The following SEL1L variants were observed in gnomAD, a reference collection of about 807,000 sequenced individuals.
SEL1L encodes SEL1L adaptor subunit of SYVN1 ubiquitin ligase.
SEL1L carries 52 observed loss-of-function variants against 109.8 expected under a neutral mutation model. The observed-to-expected ratio is 0.47, with a 90% CI of 0.38 to 0.60. The LOEUF (loss-of-function observed/expected upper bound fraction) is 0.60. SEL1L is among the 20% of genes least tolerant of loss of function. The probability of loss-of-function intolerance (pLI) is 0.00; values close to 1 mark genes in which losing one functional copy is unlikely to be tolerated. For synonymous variants in SEL1L, 373 were observed against 339.6 expected, an observed-to-expected ratio of 1.10 and a Z score of -1.08; for missense variants, 749 against 962.2, an observed-to-expected ratio of 0.78 and a Z score of 2.93.
intron 15 of SEL1L, 72 bp from the exon 16 acceptor site, chr14:81,487,610 A>G (rs902095765): frequency 6.5e-7 from 1 of 1,549,320 alleles, no homozygotes; most frequent in South Asian, 1.2e-5. Context: ...AGGCTTATAT[A>G]TGAAGAATAA....
rs189470692 is a variant in SEL1L, at chr14:81,479,943, A to C, written c.2047-203T>G. 2.0e-5 allele frequency among the ~76,000 whole-genome samples: 3 copies of C among 152,310 alleles called. No homozygotes were observed. In the East Asian group the frequency reaches 5.8e-4, roughly 29 times the overall value. Reference sequence around the variant, plus strand: ...TTAATATTGAAAAACTTAATTAAAAAACTCATTTTCCCCCAACATAACATC... The same window carrying C: ...TTAATATTGAAAAACTTAATTAAAACACTCATTTTCCCCCAACATAACATC... On this transcript the variant is annotated intron_variant, in intron 19 of 20. Coordinates refer to ENST00000336735, the MANE Select transcript of SEL1L (RefSeq NM_005065.6).
intron 5 of SEL1L, 141 bp downstream of exon 5, chr14:81,504,060 A>G (rs937831145): frequency 1.6e-5 from 8 of 506,416 alleles, no homozygotes; most frequent in African/African-American, 4.0e-5. Flanking sequence ...TAATGCCCGT[A>G]AGTTATATTA....
intron 2 of SEL1L, among the ~76,000 whole-genome samples, chr14:81,527,411 A>T (rs1347504492): frequency 6.7e-6 from 1 of 150,144 alleles, no homozygotes; most frequent in Non-Finnish European, 1.5e-5. Context: ...AAGTGGAAAC[A>T]AATGACACAG....
intron 3 of SEL1L, among the ~76,000 whole-genome samples, chr14:81,520,521 G>A (rs17640910): frequency 6.6e-6 from 1 of 152,180 alleles, no homozygotes; most frequent in Non-Finnish European, 1.5e-5. Context: ...CAGCACCAGT[G>A]AAAGGAGATA....
chr14:81,508,940 TGAC>T (rs1188273761), intron 3 of SEL1L, among the ~76,000 whole-genome samples: 1 of 152,174 alleles, frequency 6.6e-6, no homozygotes, highest in Non-Finnish European at 1.5e-5. Context: ...AAAAAAAATT[TGAC>T]AACAAAAGGT....
chr14:81,497,014 C>T (rs1473269490), intron 10 of SEL1L, among the ~76,000 whole-genome samples: 49 of 151,950 alleles, frequency 3.2e-4, no homozygotes, highest in Admixed American at 3.2e-3. Context: ...GGAAAAAGCA[C>T]TCAACCAAAA....
At position 81,485,492 on chromosome 14, in the gene SEL1L, G is replaced by T. The variant is rs1289996816; in HGVS notation, c.1873+180C>A. Among the ~76,000 whole-genome samples the T allele has an allele frequency of 4.0e-5, 6 of 151,228 alleles. No individual in the cohort carries two copies. In the East Asian group the frequency reaches 1.2e-3, roughly 29 times the overall value. On this transcript the variant is annotated intron_variant, in intron 18 of 20. Coordinates refer to ENST00000336735, the MANE Select transcript of SEL1L (RefSeq NM_005065.6). ...GTAGAGACAGGGTTTTACTATGCTG[G>T]CCAGGCTGGTTTCGGTTTCGAACTC...
intron 6 of SEL1L, among the ~76,000 whole-genome samples, chr14:81,502,504 T>C (rs532972443): frequency 1.3e-5 from 2 of 152,326 alleles, no homozygotes; most frequent in South Asian, 4.1e-4. Context: ...AATGTAATTG[T>C]AGCAAGGCAC....
In SEL1L at chr14:81,489,119, C is replaced by T; in HGVS notation, c.1395+133G>A. ...GGGGTGGTAGTGAGACAAACTCAGA[C>T]AACAGAAAGAGGTTCAGCTTTGCTT... On this transcript the variant is annotated intron_variant, in intron 14 of 20. Transcript: ENST00000336735. 3.9e-6 allele frequency: 3 copies of T among 769,350 alleles called. No homozygotes were observed. The East Asian group carries it at 7.5e-5, about 19-fold the overall frequency. The allele number at this position is 769,350 out of a possible 1,614,324, so 47.7% of individuals were successfully genotyped here. A position where few individuals can be genotyped will look rare whatever the true frequency, so the allele number is the denominator to read the frequency against.
rs1275991248 is a variant in SEL1L, at chr14:81,499,631, C to T, written c.809G>A (p.Gly270Asp). 6.2e-7 allele frequency: 1 copy of T among 1,610,372 alleles called. No individual in the cohort carries two copies. The highest frequency in any genetic ancestry group is 1.7e-5 in the Admixed American group (1 of 59,308). ...TACCTTTGCCTGACTTGAATTAACACCAAGTCCAGAGGCATACAGAAAGCC... is the reference window on the plus strand; with the variant it reads ...TACCTTTGCCTGACTTGAATTAACATCAAGTCCAGAGGCATACAGAAAGCC... The part of the protein sequence containing the change: ...ALGFLYASGL[G>D]VNSSQAKALV... Residue 270 changes from glycine (G) to aspartate (D), a missense_variant, in exon 7 of 21, where the codon GGT becomes GAT. Around this residue, in one of 2 missense-constraint regions of SEL1L, gnomAD observed 366 missense variants for 399.8 expected, o/e 0.92. Coordinates refer to ENST00000336735, the MANE Select transcript of SEL1L (RefSeq NM_005065.6).
At chr14:81,483,680 T>G (rs1903429088) in intron 19 of SEL1L, among the ~76,000 whole-genome samples, 1 of 152,208 alleles carries the variant, frequency 6.6e-6, no homozygotes, top group Non-Finnish European at 1.5e-5. Context: ...TTTAAAAATG[T>G]TAATGCTTAA....
At chr14:81,522,044 C>T (rs751578274) in intron 3 of SEL1L, among the ~76,000 whole-genome samples, 1 of 151,946 alleles carries the variant, frequency 6.6e-6, no homozygotes, top group Non-Finnish European at 1.5e-5. Context: ...AAATAGAAAA[C>T]AGCTTATAGA....
At position 81,471,730 on chromosome 14, in the gene SEL1L, A is replaced by T. The variant is rs781726113; in HGVS notation, c.*5242T>A. 1 of 152,230 alleles carries T rather than the reference A, an allele frequency of 6.6e-6. No individual in the cohort carries two copies. Among genetic ancestry groups the T allele is most frequent in the Non-Finnish European group, 1.5e-5 (1 of 68,042 alleles). 9.4% of individuals were successfully genotyped at this position (152,230 alleles called of 1,614,324 possible). On this transcript the variant is annotated 3_prime_UTR_variant, in exon 21 of 21. Transcript: ENST00000336735. ...TAAAAAGAATTTGGCCTCTAGGGAA[A>T]ATCAGAGTTCTACTCAAAATATAAT...
At chr14:81,500,212 C>T (rs1883947510) in intron 6 of SEL1L, among the ~76,000 whole-genome samples, 1 of 151,494 alleles carries the variant, frequency 6.6e-6, no homozygotes, top group African/African-American at 2.4e-5. Context: ...TACCCGGCCA[C>T]AATTAAATGT....
intron 3 of SEL1L, among the ~76,000 whole-genome samples, chr14:81,523,482 G>A (rs1166084791): frequency 1.3e-5 from 2 of 151,944 alleles, no homozygotes; most frequent in Admixed American, 1.3e-4. Flanking sequence ...CTGGCTTTTC[G>A]TCTCTATCCT....
intron 11 of SEL1L, among the ~76,000 whole-genome samples, chr14:81,493,458 C>T (rs918480169): frequency 6.6e-6 from 1 of 152,020 alleles, no homozygotes; most frequent in South Asian, 2.1e-4. Flanking sequence ...TGCAGTGAGC[C>T]GAGACTGCGC....
rs1186226955 is a variant in SEL1L, at chr14:81,473,115, C to A, written c.*3857G>T. The A allele has an allele frequency of 6.6e-6, 1 of 152,242 alleles. No homozygotes were observed. Among genetic ancestry groups the A allele is most frequent in the East Asian group, 1.9e-4 (1 of 5,200 alleles). The allele number at this position is 152,242 out of a possible 1,614,324, so 9.4% of individuals were successfully genotyped here. A position where few individuals can be genotyped will look rare whatever the true frequency, so the allele number is the denominator to read the frequency against. ...TTCCTTCACAATGCCAGCTTAAGGT[C>A]TTTTAAAACTTCCTCTTCTACATAT... is the stretch of plus-strand genomic sequence containing the variant. On this transcript the variant is annotated 3_prime_UTR_variant, in exon 21 of 21. Coordinates refer to ENST00000336735, the MANE Select transcript of SEL1L (RefSeq NM_005065.6).
At chr14:81,484,131 CT>C in intron 19 of SEL1L, 93 bp downstream of exon 19, 1 of 1,326,040 alleles carries the variant, frequency 7.5e-7, no homozygotes, top group Non-Finnish European at 1.0e-6. Context: ...TGAAATCCAA[CT>C]GAATGTCAAG....
At chr14:81,489,989 A>G (rs1883479006) in intron 13 of SEL1L, among the ~76,000 whole-genome samples, 2 of 152,334 alleles carry the variant, frequency 1.3e-5, no homozygotes, top group South Asian at 4.1e-4. Flanking sequence ...ACAAGATTTC[A>G]GGTACTCATA....
Sources: gnomAD v4.1 joint callset for allele counts (sites outside exome capture counted in the v4.1 genomes callset) on GRCh38, gnomAD v4.1.1 for gene constraint, gnomAD v4.1.1 regional missense constraint, MANE v1.5 for transcripts, NCBI Gene and HGNC (gene_info 2026-07-23, HGNC 2026-07-21) for gene names.